Variants in KLHL4 observed in about 807,000 individuals in gnomAD.
KLHL4 encodes the protein kelch like family member 4.
KLHL4 carries 17 observed loss-of-function variants against 45.8 expected under a neutral mutation model. That is an observed-to-expected ratio of 0.37 (90% CI 0.25 to 0.56). KLHL4 has a LOEUF of 0.56. Among genes scored for constraint, KLHL4 ranks in the 20% least tolerant of loss-of-function variants. The probability of loss-of-function intolerance (pLI) is 0.79; values close to 1 mark genes in which losing one functional copy is unlikely to be tolerated. For synonymous variants in KLHL4, 224 were observed against 189.9 expected (o/e 1.18, Z -1.47); for missense variants, 544 against 544.9 (o/e 1.00, Z 0.02).
chrX:87,627,519 G>T (rs1296800459), intron 6 of KLHL4, among the ~76,000 whole-genome samples: 1 of 111,144 alleles, frequency 9.0e-6, no homozygotes, highest in Non-Finnish European at 1.9e-5. Flanking sequence ...AGATTTGTAG[G>T]GTTACTTCAA....
chrX:87,527,044 A>G (rs1452788428), intron 1 of KLHL4, among the ~76,000 whole-genome samples: 2 of 112,147 alleles, frequency 1.8e-5, no homozygotes, highest in Non-Finnish European at 3.8e-5. Context: ...GAATGAAATA[A>G]TGAAAACAAT....
At chrX:87,581,640 C>T (rs766529065) in intron 1 of KLHL4, among the ~76,000 whole-genome samples, 1 of 111,580 alleles carries the variant, frequency 9.0e-6, no homozygotes, top group South Asian at 3.7e-4. Context: ...GGAAGAGTGG[C>T]CAGATGGTTA....
chrX:87,570,725 T>C (rs185145514), intron 1 of KLHL4, among the ~76,000 whole-genome samples: 125 of 111,015 alleles, frequency 1.1e-3, no homozygotes, highest in Middle Eastern at 4.6e-3. Flanking sequence ...GGAAGCATTT[T>C]AGCAAAGGGC....
chrX:87,587,949 G>A lies in KLHL4; in HGVS notation c.423-25928G>A, dbSNP rs752548310. Among the ~76,000 whole-genome samples, 100 of 111,507 alleles carry A rather than the reference G, an allele frequency of 9.0e-4. 1 individual carries two copies. The highest frequency in any genetic ancestry group is 2.2e-3 in the South Asian group (6 of 2,683). On this transcript the variant is annotated intron_variant, in intron 1 of 10. Coordinates refer to ENST00000373119, the MANE Select transcript of KLHL4 (RefSeq NM_019117.5). ...CTACTAGAACTGATCAACAAATTCA[G>A]TAAACTTGCAGGATAAAAAATCAAC...
At chrX:87,643,853 C>T (rs769102927) in intron 9 of KLHL4, among the ~76,000 whole-genome samples, 3 of 111,714 alleles carry the variant, frequency 2.7e-5, no homozygotes, top group Non-Finnish European at 3.8e-5. Context: ...ATCCAGCAAC[C>T]TTTATGATTA....
At position 87,614,618 on chromosome X, in the gene KLHL4, C is replaced by T. The variant is rs770270367; in HGVS notation, c.727+48C>T. 41 of 1,091,039 alleles carry T rather than the reference C, an allele frequency of 3.8e-5. 1 individual carries two copies. In the South Asian group the frequency reaches 6.1e-4, roughly 16 times the overall value. 89.9% of individuals were successfully genotyped at this position (1,091,039 alleles called of 1,213,427 possible). On this transcript the variant is annotated intron_variant, in intron 3 of 10. Transcript: ENST00000373119. ...CTCATAATGACCCTACATTACATAACACATTATTATTAGTAGTAGTAGTAG... is the reference window on the plus strand; with the variant it reads ...CTCATAATGACCCTACATTACATAATACATTATTATTAGTAGTAGTAGTAG...
At chrX:87,636,458 A>G (rs903308207) in intron 9 of KLHL4, among the ~76,000 whole-genome samples, 2 of 111,815 alleles carry the variant, frequency 1.8e-5, no homozygotes, top group African/African-American at 6.5e-5. Context: ...CAGGAACATA[A>G]CAGGAAAGTC....
intron 9 of KLHL4, among the ~76,000 whole-genome samples, chrX:87,654,990 T>A (rs1277512654): frequency 1.8e-5 from 2 of 111,944 alleles, no homozygotes; most frequent in Non-Finnish European, 3.8e-5. Context: ...TTAATAGGGT[T>A]ATTTGAGTTT....
At chrX:87,545,891 T>A (rs1444473750) in intron 1 of KLHL4, among the ~76,000 whole-genome samples, 1 of 111,665 alleles carries the variant, frequency 9.0e-6, no homozygotes, top group Non-Finnish European at 1.9e-5. Context: ...TGACTCTTGT[T>A]ATGCTTTAGC....
chrX:87,540,025 G>A lies in KLHL4; in HGVS notation c.422+21710G>A, dbSNP rs186043409. On this transcript the variant is annotated intron_variant, in intron 1 of 10. Coordinates refer to ENST00000373119, the MANE Select transcript of KLHL4 (RefSeq NM_019117.5). ...ATTACAGTACTGAATATTGTAGGCA[G>A]TTGTAGCACAATGGTACATATTCGC... 3.6e-5 allele frequency among the ~76,000 whole-genome samples: 4 copies of A among 111,678 alleles called. No homozygotes were observed. The East Asian group carries it at 1.1e-3, about 31-fold the overall frequency.
chrX:87,533,471 G>A lies in KLHL4; in HGVS notation c.422+15156G>A, dbSNP rs752893957. On this transcript the variant is annotated intron_variant, in intron 1 of 10. Transcript: ENST00000373119. ...TCGCAAGGACAAAAAACCAAACACC[G>A]CATGTTCTCACTCATAGGTGGGAAT... Among the ~76,000 whole-genome samples the A allele has an allele frequency of 4.4e-3, 447 of 100,984 alleles. 1 individual carries two copies. The highest frequency in any genetic ancestry group is 0.015 in the African/African-American group (423 of 27,365). The allele number at this position is 100,984 out of a possible 115,157, so 87.7% of individuals were successfully genotyped here. A position where few individuals can be genotyped will look rare whatever the true frequency, so the allele number is the denominator to read the frequency against.
At chrX:87,524,158 G>A (rs1931062418) in intron 1 of KLHL4, among the ~76,000 whole-genome samples, 1 of 110,421 alleles carries the variant, frequency 9.1e-6, no homozygotes, top group Admixed American at 9.8e-5. Context: ...GGGCAGGAAA[G>A]TGTAAATTTA....
At chrX:87,599,653 G>GA (rs1286571832) in intron 1 of KLHL4, among the ~76,000 whole-genome samples, 2 of 108,168 alleles carry the variant, frequency 1.8e-5, no homozygotes, top group Admixed American at 2.0e-4. Context: ...AAAAAAAAAA[G>GA]AAAAAAACAG....
chrX:87,625,893 C>A, intron 6 of KLHL4, 97 bp downstream of exon 6: 1 of 665,442 alleles, frequency 1.5e-6, no homozygotes, highest in Non-Finnish European at 2.2e-6. Context: ...AATGAGTGCA[C>A]CTAAAGTGAA....
intron 1 of KLHL4, among the ~76,000 whole-genome samples, chrX:87,612,131 T>G (rs1424719257): frequency 8.9e-6 from 1 of 111,833 alleles, no homozygotes; most frequent in African/African-American, 3.2e-5. Context: ...TATTGTTTAT[T>G]AATTTAGTGC....
At chrX:87,653,062 G>A (rs1377182215) in intron 9 of KLHL4, among the ~76,000 whole-genome samples, 1 of 111,684 alleles carries the variant, frequency 9.0e-6, no homozygotes, top group Admixed American at 9.5e-5. Context: ...TCACTACCAT[G>A]AGAACAGTAT....
Position 87,666,464 on chromosome X carries a change from T to C in KLHL4, c.2098-11T>C. The C allele has an allele frequency of 8.5e-7, 1 of 1,175,807 alleles. No homozygotes were observed. Among genetic ancestry groups the C allele is most frequent in the Non-Finnish European group, 1.2e-6 (1 of 867,385 alleles). On this transcript the variant is annotated splice_polypyrimidine_tract_variant and intron_variant, in intron 10 of 10. Transcript: ENST00000373119. ...TTCCAACAGTGTTTTGTTTCTTATT[T>C]TGTGTTTTAGGAAGTTCCTGTTAAC...
At position 87,518,394 on chromosome X, in the gene KLHL4, T is replaced by C. The variant is rs1930934230; in HGVS notation, c.422+79T>C. The C allele has an allele frequency of 1.2e-5, 10 of 825,912 alleles. No homozygotes were observed. The East Asian group carries it at 1.6e-4, about 13-fold the overall frequency. The allele number at this position is 825,912 out of a possible 1,213,427, so 68.1% of individuals were successfully genotyped here. A position where few individuals can be genotyped will look rare whatever the true frequency, so the allele number is the denominator to read the frequency against. On this transcript the variant is annotated intron_variant, in intron 1 of 10. Coordinates refer to ENST00000373119, the MANE Select transcript of KLHL4 (RefSeq NM_019117.5). ...CTACAATTCATGTTTAGTGTTTAAATAGAAAGTGTCATAATAATCTCTGAG... is the reference window on the plus strand; with the variant it reads ...CTACAATTCATGTTTAGTGTTTAAACAGAAAGTGTCATAATAATCTCTGAG...
At chrX:87,618,825 T>C (rs779324566) in intron 4 of KLHL4, among the ~76,000 whole-genome samples, 3 of 112,049 alleles carry the variant, frequency 2.7e-5, no homozygotes, top group African/African-American at 9.7e-5. Context: ...ATGAACTTCT[T>C]TATGTCTTAG....
Sources: allele counts gnomAD v4.1 joint callset (sites outside exome capture counted in the v4.1 genomes callset), GRCh38; gene constraint gnomAD v4.1.1; transcripts MANE v1.5; gene names NCBI Gene and HGNC (gene_info 2026-07-23, HGNC 2026-07-21).